The following UNC93A variants were observed in gnomAD, a reference collection of about 807,000 sequenced individuals.
UNC93A encodes the protein unc-93 homolog A.
UNC93A carries 43 observed loss-of-function variants against 47.5 expected under a neutral mutation model. That is an observed-to-expected ratio of 0.91 (90% CI 0.71 to 1.17). The LOEUF (loss-of-function observed/expected upper bound fraction) is 1.17, where lower values mean the gene tolerates loss of function less well. Ranked by LOEUF, UNC93A falls within the 50% of genes most tolerant of loss-of-function variation. UNC93A has a pLI of 0.00. For missense variants in UNC93A, 605 were observed against 577.6 expected (o/e 1.05, Z -0.49); for synonymous variants, 280 against 258.0 (o/e 1.09, Z -0.82).
chr6:167,307,723 C>T (rs1292755703), intron 6 of UNC93A, 56 bp from the exon 7 acceptor site: 2 of 1,559,328 alleles, frequency 1.3e-6, no homozygotes, highest in East Asian at 2.4e-5. Context: ...CTCCAGGCCC[C>T]TCCAGGCCAT....
intron 3 of UNC93A, among the ~76,000 whole-genome samples, chr6:167,296,545 C>T (rs1222198465): frequency 6.6e-6 from 1 of 152,222 alleles, no homozygotes; most frequent in African/African-American, 2.4e-5. Context: ...AAACTGAGGG[C>T]CACGCCAGTA....
intron 6 of UNC93A, among the ~76,000 whole-genome samples, chr6:167,306,592 C>T (rs1218290422): frequency 2.0e-5 from 3 of 152,186 alleles, no homozygotes; most frequent in African/African-American, 7.2e-5. Context: ...CGAAAAACAG[C>T]GCCTGGCATG....
intron 7 of UNC93A, 63 bp downstream of exon 7, chr6:167,307,973 C>A: frequency 6.3e-7 from 1 of 1,592,920 alleles, no homozygotes; most frequent in Non-Finnish European, 8.5e-7. Flanking sequence ...GCCAAGGCAA[C>A]TGTGGGGCTC....
At chr6:167,286,541 G>A (rs760723191), upstream of UNC93A, among the ~76,000 whole-genome samples, 1 of 152,184 alleles carries the variant, frequency 6.6e-6, no homozygotes, top group Non-Finnish European at 1.5e-5. Flanking sequence ...ATCTCGCTTG[G>A]GGACAAAGTT....
chr6:167,304,163 A>C, intron 5 of UNC93A, 30 bp downstream of exon 5: 2 of 1,611,662 alleles, frequency 1.2e-6, no homozygotes, highest in Non-Finnish European at 1.7e-6. Context: ...CCGGTGGCTC[A>C]GGCCATGCGT....
At chr6:167,270,181 C>T (rs1198522109), upstream of UNC93A, among the ~76,000 whole-genome samples, 1 of 152,122 alleles carries the variant, frequency 6.6e-6, no homozygotes, top group Non-Finnish European at 1.5e-5. Context: ...TGACCATGGG[C>T]TCTCAAAGTC....
chr6:167,284,679 T>C (rs1461675909), intron 1 of UNC93A, among the ~76,000 whole-genome samples: 3 of 152,296 alleles, frequency 2.0e-5, no homozygotes, highest in African/African-American at 7.2e-5. Context: ...ACACAGGATA[T>C]TGGGGATTCC....
At chr6:167,274,718 C>T (rs1434544533) in intron 1 of UNC93A, among the ~76,000 whole-genome samples, 1 of 152,130 alleles carries the variant, frequency 6.6e-6, no homozygotes, top group Non-Finnish European at 1.5e-5. Context: ...TTTGTTTCCT[C>T]ATCCTTAAAA....
chr6:167,285,975 T>C (rs1357116157), intron 1 of UNC93A, among the ~76,000 whole-genome samples: 13 of 149,322 alleles, frequency 8.7e-5, no homozygotes, highest in South Asian at 2.2e-4. Context: ...TATATATATA[T>C]ATATACACAC....
rs114574951 is a variant in UNC93A at position 167,277,117 on chromosome 6, G to T, written c.-52+5659G>T. 1.4e-3 allele frequency among the ~76,000 whole-genome samples: 214 copies of T among 152,358 alleles called. 2 individuals are homozygous for T. Among genetic ancestry groups the T allele is most frequent in the African/African-American group, 5.0e-3 (209 of 41,580 alleles). On this transcript the variant is annotated intron_variant, in intron 1 of 3. Transcript: ENST00000503433. ...ACGTTACGGCCAGTCAGGTGCATTT[G>T]TCTCCAGTAGGATCACCCTCTGTGA...
chr6:167,305,975 G>A lies in UNC93A; in HGVS notation c.901G>A (p.Ala301Thr), dbSNP rs1778377276. The change falls in exon 6 of 8, where the codon GCC becomes ACC. Residue 301 changes from alanine (A) to threonine (T), a missense_variant. Transcript: ENST00000230256. Reference sequence around the variant, plus strand: ...CGGCTACGTGATGATCTGCTTCTCGGCCACTGACGCGCTGTGCTCCGTGTT... The same window carrying A: ...CGGCTACGTGATGATCTGCTTCTCGACCACTGACGCGCTGTGCTCCGTGTT... ...FVGYVMICFS[A>T]TDALCSVLYG... The A allele has an allele frequency of 6.2e-7, 1 of 1,614,068 alleles. No individual in the cohort carries two copies. The highest frequency in any genetic ancestry group is 1.3e-5 in the African/African-American group (1 of 74,902).
At chr6:167,287,343 G>A (rs893992258), upstream of UNC93A, among the ~76,000 whole-genome samples, 3 of 152,210 alleles carry the variant, frequency 2.0e-5, no homozygotes, top group Non-Finnish European at 2.9e-5. Context: ...TCTGCCGCCC[G>A]TGTGGAGATG....
chr6:167,299,136 A>AAAAATG (rs3046653), intron 4 of UNC93A, among the ~76,000 whole-genome samples: 1 of 112,902 alleles, frequency 8.9e-6, no homozygotes, highest in African/African-American at 4.1e-5. Context: ...AAAAATACAC[A>AAAAATG]CACACACACA....
rs1429834449 is a variant in UNC93A, at chr6:167,291,505, A to C, written c.16A>C (p.Arg6=). 6.2e-7 allele frequency: 1 copy of C among 1,613,926 alleles called. No homozygotes were observed. The highest frequency in any genetic ancestry group is 8.5e-7 in the Non-Finnish European group (1 of 1,179,928). Residue 6 remains arginine, a synonymous_variant, in exon 1 of 8, where the codon AGG becomes CGG. Coordinates refer to ENST00000230256, the MANE Select transcript of UNC93A (RefSeq NM_018974.4). MDRSL[R]NVLVVSFGFL... The stretch of plus-strand genomic sequence containing the variant: ...ATCCAGCACAATGGACAGAAGTCTA[A>C]GGAACGTCCTTGTGGTTTCCTTTGG...
At position 167,305,897 on chromosome 6, in the gene UNC93A, C is replaced by T. The variant is rs1778371900; in HGVS notation, c.841-18C>T. The T allele has an allele frequency of 6.2e-7, 1 of 1,614,132 alleles. No homozygotes were observed. Among genetic ancestry groups the T allele is most frequent in the Non-Finnish European group, 8.5e-7 (1 of 1,180,020 alleles). On this transcript the variant is annotated intron_variant, in intron 5 of 7. Coordinates refer to ENST00000230256, the MANE Select transcript of UNC93A (RefSeq NM_018974.4). The stretch of plus-strand genomic sequence containing the variant: ...GCCTGGGAGCGTCCATGACGTGGCT[C>T]TGCACCCCTCTCCCCAGTCCTATGT...
rs553607245 is a variant in UNC93A, at chr6:167,294,653, T to C, written c.224T>C (p.Met75Thr). 9 of 1,609,770 alleles carry C rather than the reference T, an allele frequency of 5.6e-6. No homozygotes were observed. The highest frequency in any genetic ancestry group is 3.3e-5 in the South Asian group (3 of 90,942). Residue 75 changes from methionine to threonine, a missense_variant, in exon 2 of 8, where the codon ATG becomes ACG. Met to Thr is a moderately conservative substitution (Grantham distance 81). Coordinates refer to ENST00000230256, the MANE Select transcript of UNC93A (RefSeq NM_018974.4). The stretch of plus-strand genomic sequence containing the variant: ...TGCAAGGGGACCATCATCCTCTCCA[T>C]GTGTGGCTACGTGGCCTTCTCCGTG... ...LGCKGTIILS[M>T]CGYVAFSVGN...
At chr6:167,281,162 G>A (rs906982309) in intron 1 of UNC93A, among the ~76,000 whole-genome samples, 3 of 151,356 alleles carry the variant, frequency 2.0e-5, no homozygotes, top group African/African-American at 7.3e-5. Context: ...AGGAGCCTCG[G>A]TAGGTCATCC....
chr6:167,290,224 G>A (rs1783817000), upstream of UNC93A, among the ~76,000 whole-genome samples: 1 of 152,166 alleles, frequency 6.6e-6, no homozygotes, highest in Non-Finnish European at 1.5e-5. Flanking sequence ...TGGCTCTTAT[G>A]TCTATGTAAG....
chr6:167,285,037 T>A (rs181968586), intron 1 of UNC93A, among the ~76,000 whole-genome samples: 2,837 of 152,290 alleles, frequency 0.019, 49 homozygotes, highest in African/African-American at 0.065. Context: ...TCCTCGGCTG[T>A]GCCAGCATAA....
Sources: gnomAD v4.1 joint callset for allele counts (sites outside exome capture counted in the v4.1 genomes callset) on GRCh38, gnomAD v4.1.1 for gene constraint, MANE v1.5 for transcripts, NCBI Gene and HGNC (gene_info 2026-07-23, HGNC 2026-07-21) for gene names.